DENND5B: variants seen among roughly 807,000 people sequenced by gnomAD.
DENND5B encodes DENN domain containing 5B.
A neutral mutation model predicts 140.6 loss-of-function variants in DENND5B; 34 were observed. The observed-to-expected ratio is 0.24, with a 90% CI of 0.18 to 0.32. DENND5B has a LOEUF of 0.32. DENND5B is among the 10% of genes least tolerant of loss of function. The pLI is 1.00. For missense variants in DENND5B, 1,142 were observed against 1,560.2 expected, an observed-to-expected ratio of 0.73 and a Z score of 4.52; for synonymous variants, 551 against 562.1, an observed-to-expected ratio of 0.98 and a Z score of 0.28.
rs371167137 is a variant in DENND5B, at chr12:31,451,907, T to A, written c.1629+33A>T. Reference sequence around the variant, plus strand: ...TTAAAATCAATAATAAAGCCACTAATAACCACAAAAGGAAAACTATGGTTC... The same window carrying A: ...TTAAAATCAATAATAAAGCCACTAAAAACCACAAAAGGAAAACTATGGTTC... On this transcript the variant is annotated intron_variant, in intron 5 of 20. Transcript: ENST00000389082. 2.2e-5 allele frequency: 35 copies of A among 1,608,100 alleles called. No individual in the cohort carries two copies. In the South Asian group the frequency reaches 3.6e-4, roughly 16 times the overall value.
intron 1 of DENND5B, among the ~76,000 whole-genome samples, chr12:31,575,319 G>A (rs1235077276): frequency 1.3e-5 from 2 of 152,188 alleles, no homozygotes; most frequent in African/African-American, 4.8e-5. Context: ...ATTAAAGTTA[G>A]TATGTCATTC....
At chr12:31,434,516 C>T (rs939678225) in intron 7 of DENND5B, among the ~76,000 whole-genome samples, 1 of 152,126 alleles carries the variant, frequency 6.6e-6, no homozygotes, top group African/African-American at 2.4e-5. Flanking sequence ...TAGACCCAGA[C>T]CTGCCCTGGA....
Position 31,566,088 on chromosome 12 carries a change from T to C in DENND5B, c.127+24618A>G, listed in dbSNP as rs79332659. 2.0e-3 allele frequency among the ~76,000 whole-genome samples: 300 copies of C among 152,232 alleles called. 2 individuals are homozygous for C. The East Asian group carries it at 0.036, about 18-fold the overall frequency. On this transcript the variant is annotated intron_variant, in intron 1 of 20. Transcript: ENST00000389082. ...TGAACCCAGAAGGTGGAGATGGCAG[T>C]GAGCTGAGATCACACCACTACAGTG... is the stretch of plus-strand genomic sequence containing the variant.
chr12:31,536,221 A>C (rs1405613939), intron 1 of DENND5B, among the ~76,000 whole-genome samples: 1 of 152,116 alleles, frequency 6.6e-6, no homozygotes, highest in Non-Finnish European at 1.5e-5. Flanking sequence ...TAAATTTCCC[A>C]GTCTCAGATA....
At chr12:31,466,588 G>A (rs1307699113) in intron 3 of DENND5B, among the ~76,000 whole-genome samples, 1 of 152,116 alleles carries the variant, frequency 6.6e-6, no homozygotes, top group Non-Finnish European at 1.5e-5. Flanking sequence ...AGCTACTCAG[G>A]AGGCTGAGAC....
Position 31,506,787 on chromosome 12 carries a change from G to A in DENND5B, c.128-10868C>T, listed in dbSNP as rs189583744. Among the ~76,000 whole-genome samples, 4 of 152,318 alleles carry A rather than the reference G, an allele frequency of 2.6e-5. No individual in the cohort carries two copies. The East Asian group carries it at 7.7e-4, about 29-fold the overall frequency. On this transcript the variant is annotated intron_variant, in intron 1 of 20. Coordinates refer to ENST00000389082, the MANE Select transcript of DENND5B (RefSeq NM_144973.4). ...TCAAATGAAGAGATATATAGGGTAA[G>A]ATCAAGGAGAGAATGCAGAGTTTCC...
rs1333938823 is a variant in DENND5B at position 31,383,756 on chromosome 12, A to C, written c.*3847T>G. On this transcript the variant is annotated 3_prime_UTR_variant, in exon 21 of 21. Transcript: ENST00000389082. ...CATATGACTCCCGACCAGGGCACAG[A>C]TCTCACACATGCTTCCAACATCAGT... 6.6e-6 allele frequency: 1 copy of C among 152,168 alleles called. No individual in the cohort carries two copies. Among genetic ancestry groups the C allele is most frequent in the Non-Finnish European group, 1.5e-5 (1 of 68,044 alleles). The allele number at this position is 152,168 out of a possible 1,614,324, so 9.4% of individuals were successfully genotyped here.
At chr12:31,391,709 G>A (rs531206808) in intron 19 of DENND5B, among the ~76,000 whole-genome samples, 30 of 152,248 alleles carry the variant, frequency 2.0e-4, no homozygotes, top group South Asian at 4.2e-4. Context: ...CTGGAGTGCA[G>A]TAGCTTGATC....
chr12:31,487,028 T>C (rs1275905119), intron 2 of DENND5B, among the ~76,000 whole-genome samples: 1 of 152,180 alleles, frequency 6.6e-6, no homozygotes, highest in Non-Finnish European at 1.5e-5. Context: ...TGGAATAATA[T>C]ACCATTTGGG....
intron 3 of DENND5B, chr12:31,477,696 A>G (rs1204099668): frequency 1.2e-5 from 2 of 173,106 alleles, no homozygotes; most frequent in Non-Finnish European, 2.8e-5. Context: ...GAATCCTCAG[A>G]AACTGCATAT....
At chr12:31,559,469 G>T (rs945906625) in intron 1 of DENND5B, among the ~76,000 whole-genome samples, 2 of 101,150 alleles carry the variant, frequency 2.0e-5, no homozygotes, top group Non-Finnish European at 4.0e-5. Flanking sequence ...ATATTTTGGA[G>T]TTATCTCCAG....
intron 1 of DENND5B, among the ~76,000 whole-genome samples, chr12:31,583,563 A>G (rs1007890202): frequency 6.6e-6 from 1 of 152,082 alleles, no homozygotes; most frequent in African/African-American, 2.4e-5. Context: ...CTGTAGTCCC[A>G]GCTACTTGGG....
At chr12:31,470,720 T>C (rs12368867) in intron 3 of DENND5B, among the ~76,000 whole-genome samples, 3,827 of 152,312 alleles carry the variant, frequency 0.025, 65 homozygotes, top group Non-Finnish European at 0.041. Context: ...AATTGAACTG[T>C]TGGGCATCCA....
chr12:31,566,383 T>C (rs1162394001), intron 1 of DENND5B, among the ~76,000 whole-genome samples: 2 of 147,746 alleles, frequency 1.4e-5, no homozygotes, highest in Admixed American at 1.4e-4. Context: ...ATTCAAGCAA[T>C]ACTTTTATTA....
intron 2 of DENND5B, among the ~76,000 whole-genome samples, chr12:31,481,078 G>A (rs1946051110): frequency 1.3e-5 from 2 of 152,030 alleles, no homozygotes; most frequent in Admixed American, 1.3e-4. Context: ...AATATACTAA[G>A]GAAAACAGAA....
At position 31,385,234 on chromosome 12, in the gene DENND5B, AGAATGCCG is replaced by A. The variant is rs1940797995; in HGVS notation, c.*2361_*2368del. On this transcript the variant is annotated 3_prime_UTR_variant, in exon 21 of 21. Coordinates refer to ENST00000389082, the MANE Select transcript of DENND5B (RefSeq NM_144973.4). ...TAGTATAATAGAAAGACTATTAGTAAGAATGCCGGAAGGTCAGTCTCATGCAGCCTGGT... is the reference window on the plus strand; with the variant it reads ...TAGTATAATAGAAAGACTATTAGTAAGAAGGTCAGTCTCATGCAGCCTGGT... The A allele has an allele frequency of 6.6e-6, 1 of 152,236 alleles. No homozygotes were observed. Among genetic ancestry groups the A allele is most frequent in the South Asian group, 2.1e-4 (1 of 4,832 alleles). The allele number at this position is 152,236 out of a possible 1,614,324, so 9.4% of individuals were successfully genotyped here. A position where few individuals can be genotyped will look rare whatever the true frequency, so the allele number is the denominator to read the frequency against.
chr12:31,507,223 T>C (rs1343636292), intron 1 of DENND5B, among the ~76,000 whole-genome samples: 6 of 151,918 alleles, frequency 3.9e-5, no homozygotes, highest in Non-Finnish European at 7.4e-5. Context: ...AGTAGTGCGA[T>C]CATAGCTCAG....
At chr12:31,398,658 CAAT>C (rs1941616256) in intron 16 of DENND5B, among the ~76,000 whole-genome samples, 1 of 152,128 alleles carries the variant, frequency 6.6e-6, no homozygotes, top group Admixed American at 6.6e-5. Flanking sequence ...GAAAAGAGGA[CAAT>C]GTTTCCATAG....
intron 3 of DENND5B, among the ~76,000 whole-genome samples, chr12:31,479,050 A>C (rs1330116603): frequency 6.6e-6 from 1 of 152,202 alleles, no homozygotes; most frequent in Non-Finnish European, 1.5e-5. Context: ...GACCTGGGAA[A>C]GTCATCTGTC....
Sources: allele counts gnomAD v4.1 joint callset (sites outside exome capture counted in the v4.1 genomes callset), GRCh38; gene constraint gnomAD v4.1.1; transcripts MANE v1.5; gene names NCBI Gene and HGNC (gene_info 2026-07-23, HGNC 2026-07-21).